The following NRIP1 variants were observed in gnomAD, a reference collection of about 807,000 sequenced individuals.
NRIP1 encodes nuclear receptor interacting protein 1, also known as nuclear receptor-interacting protein 1.
NRIP1 carries 28 observed loss-of-function variants against 75.0 expected under a neutral mutation model. That is an observed-to-expected ratio of 0.37 (90% CI 0.28 to 0.51). The LOEUF (loss-of-function observed/expected upper bound fraction) is 0.51. NRIP1 is among the 20% of genes least tolerant of loss of function. The pLI is 0.92. For synonymous variants in NRIP1, 526 were observed against 487.6 expected (o/e 1.08, Z -1.04); for missense variants, 1,435 against 1,343.7 (o/e 1.07, Z -1.06).
chr21:14,970,152 G>A (rs974303476), intron 3 of NRIP1, among the ~76,000 whole-genome samples: 1 of 152,102 alleles, frequency 6.6e-6, no homozygotes, highest in Admixed American at 6.5e-5. Flanking sequence ...TGCTTAATTG[G>A]AGGCTTATTT....
intron 3 of NRIP1, among the ~76,000 whole-genome samples, 163 bp from the exon 4 acceptor site, chr21:14,968,689 C>T (rs530407771): frequency 2.4e-4 from 36 of 152,054 alleles, no homozygotes; most frequent in Admixed American, 3.3e-4. Context: ...GTTTTATTGC[C>T]GTTCCTATTC....
intron 3 of NRIP1, among the ~76,000 whole-genome samples, chr21:14,984,584 T>A (rs2087340532): frequency 6.6e-6 from 1 of 152,174 alleles, no homozygotes; most frequent in Non-Finnish European, 1.5e-5. Context: ...TCTGTAAATA[T>A]AAACTTAGTA....
intron 2 of NRIP1, among the ~76,000 whole-genome samples, chr21:15,028,664 T>G (rs750820408): frequency 1.3e-5 from 2 of 152,176 alleles, no homozygotes; most frequent in Non-Finnish European, 2.9e-5. Context: ...TACTCTTATT[T>G]TAAAATTACT....
intron 3 of NRIP1, among the ~76,000 whole-genome samples, chr21:14,978,298 G>A (rs1023000231): frequency 8.5e-5 from 13 of 152,074 alleles, no homozygotes; most frequent in African/African-American, 2.7e-4. Context: ...GCATTTTAAC[G>A]AGAAAGATGA....
chr21:15,005,698 G>C (rs1407222711), intron 3 of NRIP1, among the ~76,000 whole-genome samples: 1 of 152,134 alleles, frequency 6.6e-6, no homozygotes, highest in Non-Finnish European at 1.5e-5. Context: ...CAAGGTCTTT[G>C]ACAGGATGTT....
At chr21:14,981,488 A>C (rs17274750) in intron 3 of NRIP1, among the ~76,000 whole-genome samples, 9,787 of 152,264 alleles carry the variant, frequency 0.064, 440 homozygotes, top group Non-Finnish European at 0.098. Context: ...TGCCACTCAT[A>C]GTCAGATACA....
intron 3 of NRIP1, among the ~76,000 whole-genome samples, chr21:14,972,327 T>A (rs544836978): frequency 6.6e-6 from 1 of 152,236 alleles, no homozygotes; most frequent in East Asian, 1.9e-4. Context: ...AGAATATAAT[T>A]GAGAAATATA....
chr21:15,041,102 G>A (rs1246469122), intron 2 of NRIP1, among the ~76,000 whole-genome samples: 6 of 151,986 alleles, frequency 3.9e-5, no homozygotes, highest in Admixed American at 3.9e-4. Flanking sequence ...AAAACTAAAT[G>A]TCCACTTACA....
intron 1 of NRIP1, among the ~76,000 whole-genome samples, chr21:15,058,548 A>G (rs1393029209): frequency 1.3e-5 from 2 of 152,188 alleles, no homozygotes; most frequent in African/African-American, 4.8e-5. Flanking sequence ...ACACTCTGTT[A>G]AACACTTGCT....
intron 1 of NRIP1, among the ~76,000 whole-genome samples, chr21:15,059,996 A>G (rs111613969): frequency 6.6e-6 from 1 of 152,144 alleles, no homozygotes; most frequent in Non-Finnish European, 1.5e-5. Context: ...AAAGAAAAAT[A>G]TTTTATGTTT....
intron 1 of NRIP1, among the ~76,000 whole-genome samples, chr21:15,043,885 C>G (rs1435576967): frequency 2.0e-5 from 3 of 152,158 alleles, no homozygotes; most frequent in Non-Finnish European, 2.9e-5. Flanking sequence ...GTGGCGTGAT[C>G]TCGGCTCACT....
At chr21:14,999,972 C>T (rs1297525238) in intron 3 of NRIP1, among the ~76,000 whole-genome samples, 1 of 152,066 alleles carries the variant, frequency 6.6e-6, no homozygotes, top group Non-Finnish European at 1.5e-5. Context: ...GCATAATGTA[C>T]CTAAACTGAC....
chr21:15,019,042 C>T (rs1035688875), intron 2 of NRIP1, among the ~76,000 whole-genome samples: 1 of 151,532 alleles, frequency 6.6e-6, no homozygotes, highest in Admixed American at 6.6e-5. Context: ...TGGATTTTGT[C>T]AAATGATTTT....
At chr21:15,011,334 C>T (rs529993592) in intron 3 of NRIP1, among the ~76,000 whole-genome samples, 5 of 152,036 alleles carry the variant, frequency 3.3e-5, no homozygotes, top group African/African-American at 7.2e-5. Flanking sequence ...GGACTACAGG[C>T]GCCCGCCATG....
chr21:15,033,091 G>C (rs905072368), intron 2 of NRIP1, among the ~76,000 whole-genome samples: 1 of 152,006 alleles, frequency 6.6e-6, no homozygotes, highest in Non-Finnish European at 1.5e-5. Context: ...TGGGCATGGT[G>C]GTGGGCACCT....
chr21:15,040,135 A>G (rs540922128), intron 2 of NRIP1, among the ~76,000 whole-genome samples: 1 of 152,242 alleles, frequency 6.6e-6, no homozygotes, highest in East Asian at 1.9e-4. Flanking sequence ...TTGAAAGATG[A>G]CTAGTCAGAA....
intron 3 of NRIP1, among the ~76,000 whole-genome samples, chr21:14,980,589 A>T (rs1229318239): frequency 6.6e-6 from 1 of 151,668 alleles, no homozygotes; most frequent in East Asian, 1.9e-4. Flanking sequence ...ATTTTAAGTT[A>T]CATTTATGAA....
At chr21:15,010,817 G>A (rs1461158404) in intron 3 of NRIP1, among the ~76,000 whole-genome samples, 2 of 152,176 alleles carry the variant, frequency 1.3e-5, no homozygotes, top group African/African-American at 2.4e-5. Flanking sequence ...GAAGATGGCT[G>A]GCTGTGAGAA....
intron 3 of NRIP1, among the ~76,000 whole-genome samples, chr21:15,010,499 G>A (rs1302417045): frequency 6.6e-6 from 1 of 151,912 alleles, no homozygotes; most frequent in Non-Finnish European, 1.5e-5. Flanking sequence ...AACAACGTAA[G>A]TTATATCAAT....
Sources: gnomAD v4.1 joint callset for allele counts (sites outside exome capture counted in the v4.1 genomes callset) on GRCh38, gnomAD v4.1.1 for gene constraint, MANE v1.5 for transcripts, NCBI Gene and HGNC (gene_info 2026-07-23, HGNC 2026-07-21) for gene names.